Variants in PPP4R3B observed in about 807,000 individuals in gnomAD.
PPP4R3B encodes serine/threonine-protein phosphatase 4 regulatory subunit 3B.
In PPP4R3B, 52 loss-of-function variants were observed where a neutral mutation model predicts 95.4. That is an observed-to-expected ratio of 0.54 (90% CI 0.44 to 0.69). The LOEUF (loss-of-function observed/expected upper bound fraction) is 0.69, where lower values mean the gene tolerates loss of function less well. Among genes scored for constraint, PPP4R3B ranks in the 30% least tolerant of loss-of-function variants. The pLI is 0.00. For missense variants in PPP4R3B, 1,003 were observed against 1,005.9 expected (o/e 1.00, Z 0.04); for synonymous variants, 407 against 343.9 (o/e 1.18, Z -2.03).
intron 16 of PPP4R3B, among the ~76,000 whole-genome samples, chr2:55,555,516 C>T (rs759749103): frequency 7.2e-5 from 11 of 151,884 alleles, no homozygotes; most frequent in Non-Finnish European, 1.0e-4. Context: ...GAGTTCCTGA[C>T]GAGCCTGGCC....
intron 4 of PPP4R3B, among the ~76,000 whole-genome samples, chr2:55,589,245 T>G (rs987318715): frequency 7.2e-5 from 11 of 152,228 alleles, no homozygotes; most frequent in African/African-American, 2.4e-4. Flanking sequence ...CTCACTTAAC[T>G]TAGATTCTCT....
intron 16 of PPP4R3B, among the ~76,000 whole-genome samples, chr2:55,552,100 A>T (rs889654352): frequency 7.2e-5 from 11 of 152,202 alleles, no homozygotes; most frequent in African/African-American, 2.7e-4. Context: ...TCACTTATAC[A>T]ATTTGAGTTT....
intron 4 of PPP4R3B, among the ~76,000 whole-genome samples, chr2:55,597,604 C>A (rs369440905): frequency 2.8e-4 from 41 of 147,732 alleles, no homozygotes; most frequent in African/African-American, 9.8e-4. Context: ...CCTGGGCGAC[C>A]GAGCAAGACT....
intron 12 of PPP4R3B, among the ~76,000 whole-genome samples, chr2:55,572,222 A>C (rs960580197): frequency 4.1e-5 from 2 of 48,524 alleles, no homozygotes; most frequent in Non-Finnish European, 6.4e-5. Flanking sequence ...CTTAGGACAT[A>C]AGACTTTCCT....
At chr2:55,593,050 C>G (rs1691259690) in intron 4 of PPP4R3B, among the ~76,000 whole-genome samples, 1 of 152,082 alleles carries the variant, frequency 6.6e-6, no homozygotes, top group Non-Finnish European at 1.5e-5. Context: ...TCCCAGCTCC[C>G]AGGAGGCTGA....
intron 4 of PPP4R3B, among the ~76,000 whole-genome samples, chr2:55,591,103 T>C (rs977661151): frequency 2.6e-5 from 4 of 152,120 alleles, no homozygotes; most frequent in Non-Finnish European, 5.9e-5. Flanking sequence ...GGAGTTTATA[T>C]GCATATGTAA....
At chr2:55,609,175 AT>A (rs1042882470) in intron 2 of PPP4R3B, among the ~76,000 whole-genome samples, 136 of 148,842 alleles carry the variant, frequency 9.1e-4, no homozygotes, top group African/African-American at 1.7e-3. Flanking sequence ...AATTCATCTG[AT>A]TTTTTTTTTT....
At chr2:55,554,127 T>C (rs778550126) in intron 16 of PPP4R3B, among the ~76,000 whole-genome samples, 3 of 152,184 alleles carry the variant, frequency 2.0e-5, no homozygotes, top group Non-Finnish European at 4.4e-5. Flanking sequence ...TGCAGTGATG[T>C]GATCTCGGCT....
At chr2:55,614,945 C>T (rs1218790509) in intron 2 of PPP4R3B, 1 of 152,250 alleles carries the variant, frequency 6.6e-6, no homozygotes. Flanking sequence ...GAAGATGTTA[C>T]ATACTTGGTA....
At chr2:55,585,027 T>A in intron 7 of PPP4R3B, 24 bp downstream of exon 7, 6 of 1,537,498 alleles carry the variant, frequency 3.9e-6, no homozygotes, top group Non-Finnish European at 4.5e-6. Flanking sequence ...GTAATTCACA[T>A]AGAACCACAG....
chr2:55,581,629 C>G lies in PPP4R3B; in HGVS notation c.1303G>C (p.Val435Leu), dbSNP rs1482824081. The change falls in exon 8 of 17, where the codon GTT becomes CTT. Residue 435 changes from valine to leucine, a missense_variant. Val to Leu is a conservative substitution (Grantham distance 32, BLOSUM62 1). This residue lies in a region of PPP4R3B where 695 missense variants were observed against 686.2 expected (regional missense o/e 1.01). Transcript: ENST00000616407. ...CDTDPELGGA[V>L]QLMGLLRTLI... is the part of the protein sequence containing the mutation. ...GTACGAAGAAGTCCCATTAACTGAACAGCGCCTCCTAGCTCAGGATCAGTA... is the reference window on the plus strand; with the variant it reads ...GTACGAAGAAGTCCCATTAACTGAAGAGCGCCTCCTAGCTCAGGATCAGTA... 6.2e-7 allele frequency: 1 copy of G among 1,613,718 alleles called. No individual in the cohort carries two copies. Among genetic ancestry groups the G allele is most frequent in the Admixed American group, 1.7e-5 (1 of 60,010 alleles).
In PPP4R3B at chr2:55,579,663, A is replaced by C; in HGVS notation, c.1468+16T>G. ...TTAAAAACAGAAATCACAGCAGATA[A>C]ATAAAGAGACCCTACCCTTTTCACA... is the stretch of plus-strand genomic sequence containing the variant. On this transcript the variant is annotated intron_variant, in intron 9 of 16. Transcript: ENST00000616407. 6.6e-7 allele frequency: 1 copy of C among 1,504,820 alleles called. No homozygotes were observed. The highest frequency in any genetic ancestry group is 2.4e-5 in the East Asian group (1 of 42,176). The allele number at this position is 1,504,820 out of a possible 1,614,324, so 93.2% of individuals were successfully genotyped here. A position where few individuals can be genotyped will look rare whatever the true frequency, so the allele number is the denominator to read the frequency against.
At chr2:55,606,822 CAAAA>C (rs61086185) in intron 2 of PPP4R3B, among the ~76,000 whole-genome samples, 13 of 106,966 alleles carry the variant, frequency 1.2e-4, no homozygotes, top group Admixed American at 1.9e-4. Context: ...GACTTTGCCT[CAAAA>C]AAAAAAAAAA....
rs547460973 is a variant in PPP4R3B, at chr2:55,575,256, A to T, written c.1607-1479T>A. ...CGCCCGGCCTATTTACAACTTTTAA[A>T]ATATCAACTCACGATGTCCATAGAG... is the stretch of plus-strand genomic sequence containing the variant. On this transcript the variant is annotated intron_variant, in intron 11 of 16. Transcript: ENST00000616407. 1.4e-3 allele frequency among the ~76,000 whole-genome samples: 207 copies of T among 151,866 alleles called. 3 individuals carry two copies. The highest frequency in any genetic ancestry group is 1.5e-3 in the Non-Finnish European group (100 of 67,964).
In PPP4R3B at chr2:55,595,106, C is replaced by A. The variant is rs182579089; in HGVS notation, c.921+3310G>T. ...GTGGCACAATCTCAGCTCACTGCAA[C>A]CTCCGCCTCTCGGTTCAAGCAATTC... is the stretch of plus-strand genomic sequence containing the variant. On this transcript the variant is annotated intron_variant, in intron 4 of 16. Coordinates refer to ENST00000616407, the MANE Select transcript of PPP4R3B (RefSeq NM_001122964.3). Among the ~76,000 whole-genome samples the A allele has an allele frequency of 4.3e-3, 656 of 151,582 alleles. 5 individuals carry two copies. The highest frequency in any genetic ancestry group is 0.014 in the African/African-American group (578 of 41,362).
intron 3 of PPP4R3B, among the ~76,000 whole-genome samples, chr2:55,603,205 G>A (rs1036948830): frequency 2.6e-5 from 4 of 152,180 alleles, no homozygotes; most frequent in South Asian, 2.1e-4. Context: ...CGCCTGCCTC[G>A]GCCTCCCAAA....
chr2:55,572,449 T>C (rs1688130595), intron 12 of PPP4R3B, among the ~76,000 whole-genome samples: 1 of 152,144 alleles, frequency 6.6e-6, no homozygotes, highest in South Asian at 2.1e-4. Flanking sequence ...TCACAACAGA[T>C]AAAAATGCAA....
At chr2:55,610,571 C>G (rs1459461202) in intron 2 of PPP4R3B, among the ~76,000 whole-genome samples, 1 of 152,050 alleles carries the variant, frequency 6.6e-6, no homozygotes, top group East Asian at 1.9e-4. Flanking sequence ...TAATTTTCTA[C>G]TGCTCTAAGT....
chr2:55,616,789 T>G (rs934020468), intron 1 of PPP4R3B, among the ~76,000 whole-genome samples: 1 of 151,960 alleles, frequency 6.6e-6, no homozygotes, highest in African/African-American at 2.4e-5. Flanking sequence ...ACTAGACGTA[T>G]AATGGATAAG....
Sources: gnomAD v4.1 joint callset for allele counts (sites outside exome capture counted in the v4.1 genomes callset) on GRCh38, gnomAD v4.1.1 for gene constraint, gnomAD v4.1.1 regional missense constraint, MANE v1.5 for transcripts, NCBI Gene and HGNC (gene_info 2026-07-23, HGNC 2026-07-21) for gene names.